RAD51B: variants seen among roughly 807,000 people sequenced by gnomAD.
The protein encoded by RAD51B is RAD51 paralog B.
A neutral mutation model predicts 42.2 loss-of-function variants in RAD51B; 38 were observed. That is an observed-to-expected ratio of 0.90 (90% CI 0.70 to 1.18). The LOEUF (loss-of-function observed/expected upper bound fraction) is 1.18. Ranked by LOEUF, RAD51B falls within the 50% of genes most tolerant of loss-of-function variation. The pLI is 0.00. For synonymous variants in RAD51B, 154 were observed against 145.2 expected (o/e 1.06, Z -0.43); for missense variants, 373 against 400.7 (o/e 0.93, Z 0.59).
intron 10 of RAD51B, among the ~76,000 whole-genome samples, chr14:68,517,667 A>G (rs530478754): frequency 6.6e-6 from 1 of 152,182 alleles, no homozygotes; most frequent in Admixed American, 6.5e-5. Flanking sequence ...GCTAAGACGT[A>G]TATGTACCAG....
chr14:68,595,072 C>T (rs73284054), exon 11 of RAD51B: 75 of 1,067,842 alleles, frequency 7.0e-5, no homozygotes, highest in Admixed American at 1.6e-4. Flanking sequence ...GCTCCTGAGC[C>T]GATGCCTTCC....
chr14:67,862,819 C>A (rs2042205571), intron 4 of RAD51B, among the ~76,000 whole-genome samples: 1 of 151,916 alleles, frequency 6.6e-6, no homozygotes, highest in African/African-American at 2.4e-5. Flanking sequence ...GCAAACAGAT[C>A]TTTTATATAA....
intron 7 of RAD51B, among the ~76,000 whole-genome samples, chr14:68,265,427 C>G (rs2080970887): frequency 6.6e-6 from 1 of 152,108 alleles, no homozygotes; most frequent in South Asian, 2.1e-4. Context: ...AAGATGCTCC[C>G]AGACCAGTGG....
chr14:68,192,828 G>GAGTTTGAAT (rs1222808244), intron 7 of RAD51B, among the ~76,000 whole-genome samples: 1 of 152,122 alleles, frequency 6.6e-6, no homozygotes, highest in Non-Finnish European at 1.5e-5. Context: ...GCATATCCAG[G>GAGTTTGAAT]AGTTTGAATA....
chr14:68,633,348 G>A (rs1390765655), intron 10 of RAD51B, among the ~76,000 whole-genome samples: 1 of 152,104 alleles, frequency 6.6e-6, no homozygotes, highest in Admixed American at 6.5e-5. Context: ...ACAACGCCAA[G>A]GCTCGGATGC....
At chr14:67,822,741 A>G (rs148395922) in intron 1 of RAD51B, among the ~76,000 whole-genome samples, 4 of 151,550 alleles carry the variant, frequency 2.6e-5, no homozygotes, top group South Asian at 2.1e-4. Context: ...CTCTCTCTCT[A>G]TATATATATT....
downstream of RAD51B, among the ~76,000 whole-genome samples, chr14:68,597,068 A>G (rs961426955): frequency 2.0e-5 from 3 of 152,224 alleles, no homozygotes; most frequent in Non-Finnish European, 2.9e-5. Flanking sequence ...CAGGAGACCA[A>G]GGTTTCCATT....
chr14:68,467,528 A>G (rs934622714), intron 9 of RAD51B, among the ~76,000 whole-genome samples: 2 of 152,268 alleles, frequency 1.3e-5, no homozygotes, highest in African/African-American at 4.8e-5. Context: ...CAATGGCACA[A>G]ACGTTAAGAG....
rs143114747 is a variant in RAD51B at position 67,821,461 on chromosome 14, GTTTGTTT to G, written c.-3+1618_-3+1624del. Among the ~76,000 whole-genome samples the G allele has an allele frequency of 7.2e-3, 1,089 of 152,058 alleles. 17 individuals carry two copies. Among genetic ancestry groups the G allele is most frequent in the African/African-American group, 0.025 (1,043 of 41,518 alleles). ...GTTTAGAATTTATAGTTTTTTGTTT[GTTTGTTT>G]TTTGTTTTTGATAGGGTCTCAGTCT... is the stretch of plus-strand genomic sequence containing the variant. On this transcript the variant is annotated intron_variant, in intron 1 of 10. Transcript: ENST00000471583.
chr14:68,269,026 T>C (rs2081048655), intron 7 of RAD51B, among the ~76,000 whole-genome samples: 2 of 152,186 alleles, frequency 1.3e-5, no homozygotes, highest in South Asian at 4.1e-4. Flanking sequence ...TGCCAGCATG[T>C]CTTTGGGGCC....
intron 8 of RAD51B, among the ~76,000 whole-genome samples, chr14:68,381,282 C>G (rs917249109): frequency 6.6e-6 from 1 of 152,130 alleles, no homozygotes; most frequent in Non-Finnish European, 1.5e-5. Flanking sequence ...ACTTTTTTAC[C>G]TATTTCTTAG....
chr14:67,825,517 T>C lies in RAD51B; in HGVS notation c.138T>C (p.Tyr46=), dbSNP rs201332232. 1.1e-4 allele frequency: 183 copies of C among 1,613,948 alleles called. No homozygotes were observed. Among genetic ancestry groups the C allele is most frequent in the Middle Eastern group, 9.9e-4 (6 of 6,062 alleles). Residue 46 remains tyrosine, a synonymous_variant, in exon 3 of 11, where the codon TAT becomes TAC. Coordinates refer to ENST00000471583, the MANE Select transcript of RAD51B (RefSeq NM_133510.4). ...TTATGAAGGTGACTGGTCTGAGTTA[T>C]CGAGGTGTCCATGAACTTCTATGTA... ...LELMKVTGLS[Y]RGVHELLCMV... is the part of the protein sequence containing the mutation.
chr14:68,474,469 A>G (rs1027144263), intron 10 of RAD51B, among the ~76,000 whole-genome samples: 3 of 152,328 alleles, frequency 2.0e-5, no homozygotes, highest in South Asian at 2.1e-4. Flanking sequence ...CCCTAAAGTT[A>G]ACTATATAAT....
intron 9 of RAD51B, among the ~76,000 whole-genome samples, chr14:68,414,384 G>A (rs1398265919): frequency 1.3e-5 from 2 of 152,040 alleles, no homozygotes; most frequent in Non-Finnish European, 2.9e-5. Context: ...CTTCAATCCT[G>A]CCCCACCCTT....
chr14:68,053,284 T>G (rs2076423359), intron 7 of RAD51B, among the ~76,000 whole-genome samples: 1 of 152,188 alleles, frequency 6.6e-6, no homozygotes, highest in Non-Finnish European at 1.5e-5. Context: ...TACGAAAGAA[T>G]GGGCTCTAGA....
rs778680406 is a variant in RAD51B at position 68,114,768 on chromosome 14, TGTAA to T, written c.757-177112_757-177109del. On this transcript the variant is annotated intron_variant, in intron 7 of 10. Coordinates refer to ENST00000471583, the MANE Select transcript of RAD51B (RefSeq NM_133510.4). ...GAGATAATTAATTTCATATTATTTG[TGTAA>T]GTATTATTTATTGAGTGTTAATACA... is the stretch of plus-strand genomic sequence containing the variant. Among the ~76,000 whole-genome samples the T allele has an allele frequency of 2.6e-5, 4 of 152,192 alleles. No individual in the cohort carries two copies. In the East Asian group the frequency reaches 5.8e-4, roughly 22 times the overall value.
chr14:67,887,626 T>G, intron 7 of RAD51B: 1 of 158,506 alleles, frequency 6.3e-6, no homozygotes, highest in Non-Finnish European at 1.4e-5. Flanking sequence ...TTAAGTATTT[T>G]AGGTTTAGAT....
intron 7 of RAD51B, among the ~76,000 whole-genome samples, chr14:68,037,069 T>TTCCTTTA (rs1400958526): frequency 6.3e-5 from 3 of 47,984 alleles, no homozygotes; most frequent in Non-Finnish European, 1.0e-4. Context: ...CCTCCCTCCC[T>TTCCTTTA]TCCTTTATCC....
chr14:68,644,650 G>A (rs1336853732), intron 10 of RAD51B, among the ~76,000 whole-genome samples: 1 of 152,148 alleles, frequency 6.6e-6, no homozygotes, highest in Admixed American at 6.5e-5. Flanking sequence ...TGGAATCTCT[G>A]CTCCGTTTTC....
Sources: gnomAD v4.1 joint callset for allele counts (sites outside exome capture counted in the v4.1 genomes callset) on GRCh38, gnomAD v4.1.1 for gene constraint, MANE v1.5 for transcripts, NCBI Gene and HGNC (gene_info 2026-07-23, HGNC 2026-07-21) for gene names.